RBL1: variants seen among roughly 807,000 people sequenced by gnomAD.
RBL1 encodes RB transcriptional corepressor like 1, also known as retinoblastoma-like protein 1.
RBL1 carries 82 observed loss-of-function variants against 123.0 expected under a neutral mutation model. That is an observed-to-expected ratio of 0.67 (90% CI 0.56 to 0.80). The LOEUF (loss-of-function observed/expected upper bound fraction) is 0.80. Ranked by LOEUF, RBL1 falls within the 30% of genes least tolerant of loss-of-function variation. The probability of loss-of-function intolerance (pLI) is 0.00; values close to 1 mark genes in which losing one functional copy is unlikely to be tolerated. For synonymous variants in RBL1, 405 were observed against 441.3 expected, an observed-to-expected ratio of 0.92 and a Z score of 1.03; for missense variants, 1,171 against 1,299.6, an observed-to-expected ratio of 0.90 and a Z score of 1.52.
rs190046128 is a variant in RBL1, at chr20:37,087,099, G to T, written c.290+1890C>A. Among the ~76,000 whole-genome samples the T allele has an allele frequency of 4.6e-3, 694 of 152,346 alleles. 6 individuals carry two copies. The highest frequency in any genetic ancestry group is 0.016 in the African/African-American group (671 of 41,578). ...CGCCTGTAATCCCAGCACTTTGGGA[G>T]GCTGAGGCAGGCGGATCACAAGGTC... On this transcript the variant is annotated intron_variant, in intron 2 of 21. Transcript: ENST00000373664.
At chr20:37,043,003 A>G (rs6030961) in intron 13 of RBL1, among the ~76,000 whole-genome samples, 1,603 of 151,642 alleles carry the variant, frequency 0.011, 25 homozygotes, top group African/African-American at 0.037. Context: ...ACAATGGAAT[A>G]TTACTTAGCA....
chr20:36,999,437 CCCTCTCCCT>C (rs1310813552), intron 21 of RBL1, among the ~76,000 whole-genome samples: 2 of 142,784 alleles, frequency 1.4e-5, no homozygotes, highest in Non-Finnish European at 3.0e-5. Context: ...TCCCTCCTCT[CCCTCTCCCT>C]CCTCTCCCTC....
intron 11 of RBL1, among the ~76,000 whole-genome samples, chr20:37,048,070 A>G (rs1253305243): frequency 1.3e-5 from 2 of 152,214 alleles, no homozygotes; most frequent in Non-Finnish European, 2.9e-5. Context: ...ATCATCAGTA[A>G]AACTAGCAGT....
At chr20:37,091,722 T>C (rs1294767538) in intron 1 of RBL1, among the ~76,000 whole-genome samples, 1 of 151,432 alleles carries the variant, frequency 6.6e-6, no homozygotes, top group African/African-American at 2.4e-5. Flanking sequence ...CACAATAGTG[T>C]TCTTATACAC....
At chr20:37,004,643 G>T (rs894617560) in intron 20 of RBL1, among the ~76,000 whole-genome samples, 2 of 149,402 alleles carry the variant, frequency 1.3e-5, no homozygotes, top group African/African-American at 4.9e-5. Context: ...AACCCAGGAG[G>T]CAGAGGTGTT....
intron 16 of RBL1, among the ~76,000 whole-genome samples, chr20:37,030,343 A>G (rs1568838088): frequency 6.6e-6 from 1 of 152,230 alleles, no homozygotes. Context: ...GGGAAAGGGC[A>G]GTCTTTCAAC....
At chr20:37,086,727 A>T (rs2065552497) in intron 2 of RBL1, among the ~76,000 whole-genome samples, 1 of 152,194 alleles carries the variant, frequency 6.6e-6, no homozygotes, top group Non-Finnish European at 1.5e-5. Context: ...TGGATAGCTA[A>T]ATTTGTTTTG....
intron 2 of RBL1, among the ~76,000 whole-genome samples, chr20:37,075,316 C>A (rs2065346813): frequency 6.6e-6 from 1 of 152,034 alleles, no homozygotes; most frequent in Non-Finnish European, 1.5e-5. Context: ...ATACAAAAAA[C>A]CATGGAACTG....
intron 11 of RBL1, among the ~76,000 whole-genome samples, chr20:37,048,911 A>G (rs2064857225): frequency 6.6e-6 from 1 of 151,386 alleles, no homozygotes. Context: ...TAAAAAAAAA[A>G]AAAAAAAAAG....
In RBL1 at chr20:37,005,959, G is replaced by A. The variant is rs536539129; in HGVS notation, c.2871+1452C>T. Among the ~76,000 whole-genome samples the A allele has an allele frequency of 4.8e-5, 7 of 144,598 alleles. No homozygotes were observed. The East Asian group carries it at 1.4e-3, about 29-fold the overall frequency. 94.9% of individuals were successfully genotyped at this position (144,598 alleles called of 152,430 possible). A position where few individuals can be genotyped will look rare whatever the true frequency, so the allele number is the denominator to read the frequency against. Reference sequence around the variant, plus strand: ...TGCCCAGACTGGAGTGTGGTGGTGCGATTGTGGCTCATTGCAGCCTTGACC... The same window carrying A: ...TGCCCAGACTGGAGTGTGGTGGTGCAATTGTGGCTCATTGCAGCCTTGACC... On this transcript the variant is annotated intron_variant, in intron 20 of 21. Transcript: ENST00000373664.
At chr20:37,026,874 G>A (rs1281342109) in intron 16 of RBL1, among the ~76,000 whole-genome samples, 2 of 148,796 alleles carry the variant, frequency 1.3e-5, no homozygotes, top group Admixed American at 6.7e-5. Context: ...ATGGTGGTGC[G>A]TCCCTGTAAT....
chr20:37,095,897 G>T lies in RBL1; in HGVS notation c.32C>A (p.Ala11Glu), dbSNP rs749181102. ...CTCCCCGGCTGCGGCGACCACCGCC[G>T]CCCCCTCAGCGTGGGGCTTGTCCTC... is the stretch of plus-strand genomic sequence containing the variant. MFEDKPHAEGAAVVAAAGEAL... is the reference protein window; with the variant it reads MFEDKPHAEGEAVVAAAGEAL... The change falls in exon 1 of 22, where the codon GCG becomes GAG. Residue 11 changes from alanine to glutamate, a missense_variant. Transcript: ENST00000373664. The T allele has an allele frequency of 4.3e-5, 69 of 1,601,506 alleles. No homozygotes were observed. In the Admixed American group the frequency reaches 1.0e-3, roughly 24 times the overall value.
intron 4 of RBL1, 48 bp from the exon 5 acceptor site, chr20:37,067,169 CTCA>C (rs2065192613): frequency 6.4e-7 from 1 of 1,568,968 alleles, no homozygotes; most frequent in African/African-American, 1.4e-5. Context: ...CCAGAAACCT[CTCA>C]TGTCAAATAG....
chr20:37,046,928 C>G, intron 12 of RBL1, 125 bp downstream of exon 12: 4 of 1,337,144 alleles, frequency 3.0e-6, no homozygotes, highest in Non-Finnish European at 3.8e-6. Flanking sequence ...TATATATTTT[C>G]AGAACACATC....
chr20:37,077,329 T>TC (rs2065381066), intron 2 of RBL1, among the ~76,000 whole-genome samples: 1 of 152,218 alleles, frequency 6.6e-6, no homozygotes, highest in Non-Finnish European at 1.5e-5. Context: ...CCAGATATTT[T>TC]CTCAAATATT....
chr20:37,047,967 G>A (rs963446962), intron 11 of RBL1, among the ~76,000 whole-genome samples: 10 of 152,036 alleles, frequency 6.6e-5, no homozygotes, highest in Non-Finnish European at 1.2e-4. Flanking sequence ...GCGACACAGC[G>A]AGACTCAGTC....
intron 12 of RBL1, among the ~76,000 whole-genome samples, chr20:37,045,081 C>CTTAT (rs373003508): frequency 0.13 from 19,310 of 146,026 alleles, 1,566 homozygotes; most frequent in South Asian, 0.19. Flanking sequence ...CATTTATTTA[C>CTTAT]TTATTTATTT....
intron 2 of RBL1, among the ~76,000 whole-genome samples, chr20:37,080,444 G>A (rs866667059): frequency 2.1e-5 from 3 of 146,246 alleles, no homozygotes; most frequent in Non-Finnish European, 3.0e-5. Flanking sequence ...TGGTCCCGCC[G>A]CAATTTACTC....
At chr20:37,069,162 T>G (rs1259237331) in intron 2 of RBL1, among the ~76,000 whole-genome samples, 1 of 152,218 alleles carries the variant, frequency 6.6e-6, no homozygotes, top group East Asian at 1.9e-4. Flanking sequence ...CAGGCTGGAG[T>G]GCAGTGGCGT....
Sources: gnomAD v4.1 joint callset for allele counts (sites outside exome capture counted in the v4.1 genomes callset) on GRCh38, gnomAD v4.1.1 for gene constraint, MANE v1.5 for transcripts, NCBI Gene and HGNC (gene_info 2026-07-23, HGNC 2026-07-21) for gene names.